LCA5: variants seen among roughly 807,000 people sequenced by gnomAD.
LCA5 encodes lebercilin LCA5.
In LCA5, 37 loss-of-function variants were observed where a neutral mutation model predicts 53.0. That is an observed-to-expected ratio of 0.70 (90% CI 0.54 to 0.92). LCA5 has a LOEUF of 0.92. LCA5 is among the 40% of genes least tolerant of loss of function. LCA5 has a pLI of 0.00. For missense variants in LCA5, 806 were observed against 790.5 expected (o/e 1.02, Z -0.23); for synonymous variants, 303 against 282.9 (o/e 1.07, Z -0.71).
At chr6:79,499,146 C>T (rs1381279786) in intron 3 of LCA5, among the ~76,000 whole-genome samples, 1 of 152,050 alleles carries the variant, frequency 6.6e-6, no homozygotes, top group East Asian at 1.9e-4. Context: ...AATTTCCTTA[C>T]ACATAAATAC....
chr6:79,501,701 ATAT>A (rs1770144088), intron 3 of LCA5, among the ~76,000 whole-genome samples: 1 of 150,586 alleles, frequency 6.6e-6, no homozygotes, highest in African/African-American at 2.4e-5. Context: ...TATATTCTAT[ATAT>A]TAATATATGG....
chr6:79,489,369 C>T (rs750045676), intron 6 of LCA5, among the ~76,000 whole-genome samples, 153 bp from the exon 7 acceptor site: 1 of 152,080 alleles, frequency 6.6e-6, no homozygotes, highest in Non-Finnish European at 1.5e-5. Flanking sequence ...AGTTATCACT[C>T]CTTGAAAAAT....
At chr6:79,536,723 C>T (rs1562117387) in intron 1 of LCA5, among the ~76,000 whole-genome samples, 1 of 152,196 alleles carries the variant, frequency 6.6e-6, no homozygotes, top group Non-Finnish European at 1.5e-5. Context: ...CCAAAGCCTC[C>T]TTTTCCGTCT....
At chr6:79,538,018 G>GTTTTTTTTTTTTTTTTTTTTT (rs869197362), upstream of LCA5, among the ~76,000 whole-genome samples, 2 of 44,164 alleles carry the variant, frequency 4.5e-5, no homozygotes, top group Non-Finnish European at 8.5e-5. Context: ...TTGCACACAA[G>GTTTTTTTTTTTTTTTTTTTTT]TTTTTTTTTT....
chr6:79,500,695 T>C (rs1770114396), intron 3 of LCA5, among the ~76,000 whole-genome samples: 1 of 152,196 alleles, frequency 6.6e-6, no homozygotes, highest in Non-Finnish European at 1.5e-5. Flanking sequence ...ACAATTCCAG[T>C]TATTAGGAGG....
intron 1 of LCA5, among the ~76,000 whole-genome samples, chr6:79,522,413 C>G (rs1031756833): frequency 1.3e-5 from 2 of 151,966 alleles, no homozygotes; most frequent in East Asian, 1.9e-4. Context: ...AAATCTGAAT[C>G]TACTGAAGCC....
At chr6:79,527,638 A>T (rs1359044618) in intron 1 of LCA5, among the ~76,000 whole-genome samples, 1 of 152,176 alleles carries the variant, frequency 6.6e-6, no homozygotes, top group African/African-American at 2.4e-5. Context: ...GGGGTGGGTA[A>T]CTCCGAGCTG....
At chr6:79,498,299 A>AGT (rs1770038995) in intron 3 of LCA5, among the ~76,000 whole-genome samples, 1 of 152,132 alleles carries the variant, frequency 6.6e-6, no homozygotes. Context: ...ACTGTATAGG[A>AGT]GTGTTCTTTG....
upstream of LCA5, chr6:79,537,608 A>C (rs1454417604): frequency 6.6e-6 from 1 of 152,226 alleles, no homozygotes; most frequent in Non-Finnish European, 1.5e-5. Context: ...AAGTAGGGAA[A>C]TTGGGGCAAA....
chr6:79,489,194 T>A lies in LCA5; in HGVS notation c.1121A>T (p.Asp374Val). The A allele has an allele frequency of 6.2e-7, 1 of 1,612,304 alleles. No homozygotes were observed. Among genetic ancestry groups the A allele is most frequent in the East Asian group, 2.2e-5 (1 of 44,848 alleles). Residue 374 changes from aspartate to valine, a missense_variant, in exon 7 of 8, where the codon GAC (aspartate) becomes GTC (valine). Coordinates refer to ENST00000369846, the MANE Select transcript of LCA5 (RefSeq NM_001122769.3). ...TAGAATCCCTGCTTCTCCATGCCTGTCTTGCTTTTGAGATTGCAAGTCCTA... is the reference window on the plus strand; with the variant it reads ...TAGAATCCCTGCTTCTCCATGCCTGACTTGCTTTTGAGATTGCAAGTCCTA... ...LTLDLQSQKQ[D>V]RHGEAGILNP...
chr6:79,489,267 G>GA (rs1769770337), intron 6 of LCA5, 51 bp from the exon 7 acceptor site: 1 of 1,570,618 alleles, frequency 6.4e-7, no homozygotes, highest in South Asian at 1.1e-5. Flanking sequence ...AAAAGGGGGG[G>GA]AACTAAGCAA....
rs376484071 is a variant in LCA5, at chr6:79,487,498, C to T, written c.1600G>A (p.Gly534Arg). The change falls in exon 8 of 8, where the codon GGA becomes AGA. Residue 534 changes from glycine to arginine, a missense_variant. Transcript: ENST00000369846. Reference sequence around the variant, plus strand: ...ACATTTCCTGAATTCTGACCTTCTCCTTTTGGAGTTGAGAAACTGATGTCT... The same window carrying T: ...ACATTTCCTGAATTCTGACCTTCTCTTTTTGGAGTTGAGAAACTGATGTCT... Reference protein sequence around the residue: ...LQDISFSTPKGEGQNSGNVRS... With the variant: ...LQDISFSTPKREGQNSGNVRS... 3.5e-5 allele frequency: 57 copies of T among 1,613,856 alleles called. No homozygotes were observed. Among genetic ancestry groups the T allele is most frequent in the Non-Finnish European group, 4.5e-5 (53 of 1,179,938 alleles).
intron 1 of LCA5, 117 bp from the exon 2 acceptor site, chr6:79,519,202 G>T (rs780857357): frequency 5.4e-6 from 2 of 372,548 alleles, no homozygotes; most frequent in African/African-American, 2.1e-5. Flanking sequence ...TTTAAAAGAG[G>T]CTACAATTTA....
At chr6:79,531,708 G>A (rs1199652520) in intron 1 of LCA5, among the ~76,000 whole-genome samples, 1 of 152,094 alleles carries the variant, frequency 6.6e-6, no homozygotes, top group Non-Finnish European at 1.5e-5. Context: ...AGTAGTGTTT[G>A]ACATAACCAA....
At chr6:79,531,958 C>G (rs1243684905) in intron 1 of LCA5, among the ~76,000 whole-genome samples, 1 of 152,134 alleles carries the variant, frequency 6.6e-6, no homozygotes, top group East Asian at 1.9e-4. Context: ...CATATATTCA[C>G]CTTCCTACTT....
intron 1 of LCA5, among the ~76,000 whole-genome samples, chr6:79,521,213 C>A (rs1270785520): frequency 1.3e-5 from 2 of 152,126 alleles, no homozygotes; most frequent in East Asian, 1.9e-4. Context: ...AGCTAGGTTT[C>A]TTTGTATATA....
chr6:79,500,428 G>T (rs1770106630), intron 3 of LCA5, among the ~76,000 whole-genome samples: 2 of 152,034 alleles, frequency 1.3e-5, no homozygotes, highest in Admixed American at 6.6e-5. Context: ...ATTAGTAAAG[G>T]ATTATAGATT....
At chr6:79,534,966 G>GA in intron 1 of LCA5, among the ~76,000 whole-genome samples, 1 of 152,068 alleles carries the variant, frequency 6.6e-6, no homozygotes, top group Non-Finnish European at 1.5e-5. Flanking sequence ...AATACATGTG[G>GA]AATTTTGAAA....
chr6:79,505,358 A>G (rs896302854), intron 3 of LCA5, among the ~76,000 whole-genome samples: 1 of 152,186 alleles, frequency 6.6e-6, no homozygotes, highest in African/African-American at 2.4e-5. Flanking sequence ...AATCTCAATG[A>G]ATATTTTATC....
Sources: allele counts gnomAD v4.1 joint callset (sites outside exome capture counted in the v4.1 genomes callset), GRCh38; gene constraint gnomAD v4.1.1; transcripts MANE v1.5; gene names NCBI Gene and HGNC (gene_info 2026-07-23, HGNC 2026-07-21).